Variants in GPHN observed in about 807,000 individuals in gnomAD.
The protein encoded by GPHN is gephyrin.
A neutral mutation model predicts 95.5 loss-of-function variants in GPHN; 17 were observed. The observed-to-expected ratio is 0.18, with a 90% CI of 0.12 to 0.27. GPHN has a LOEUF of 0.27. GPHN is among the 10% of genes least tolerant of loss of function. The pLI is 1.00. For synonymous variants in GPHN, 320 were observed against 322.5 expected, an observed-to-expected ratio of 0.99 and a Z score of 0.08; for missense variants, 660 against 978.1, an observed-to-expected ratio of 0.67 and a Z score of 4.34.
the GPHN span, among the ~76,000 whole-genome samples, chr14:67,192,213 T>C: frequency 6.6e-6 from 1 of 152,200 alleles, no homozygotes; most frequent in Non-Finnish European, 1.5e-5. Flanking sequence ...TGGAAAAATA[T>C]AAGCTATGAT....
At chr14:67,047,917 G>A (rs752126752) in intron 10 of GPHN, among the ~76,000 whole-genome samples, 1 of 152,162 alleles carries the variant, frequency 6.6e-6, no homozygotes, top group African/African-American at 2.4e-5. Flanking sequence ...CCGTGATCAC[G>A]CAACTGCACT....
At chr14:66,872,252 A>T (rs2063471329) in intron 4 of GPHN, among the ~76,000 whole-genome samples, 1 of 152,236 alleles carries the variant, frequency 6.6e-6, no homozygotes, top group Non-Finnish European at 1.5e-5. Flanking sequence ...TCAAAGAAAT[A>T]TTGAAATATA....
chr14:66,744,441 C>T (rs9323481), intron 2 of GPHN, among the ~76,000 whole-genome samples: 49,705 of 152,060 alleles, frequency 0.33, 11,893 homozygotes, highest in African/African-American at 0.65. Context: ...TGAGGCACAA[C>T]GTGTGTTTGT....
At chr14:67,081,118 A>T (rs754355502) in intron 11 of GPHN, among the ~76,000 whole-genome samples, 9 of 152,196 alleles carry the variant, frequency 5.9e-5, no homozygotes, top group Non-Finnish European at 1.3e-4. Flanking sequence ...TCCTCTGGGT[A>T]GATACCCAGT....
At chr14:67,209,781 A>G in the GPHN span, among the ~76,000 whole-genome samples, 1 of 150,458 alleles carries the variant, frequency 6.6e-6, no homozygotes, top group Non-Finnish European at 1.5e-5. Flanking sequence ...TCGTGCCATT[A>G]AACTCCAGCC....
At chr14:66,987,334 A>T (rs2071093792) in intron 9 of GPHN, among the ~76,000 whole-genome samples, 1 of 152,114 alleles carries the variant, frequency 6.6e-6, no homozygotes. Context: ...TAAAAATGGC[A>T]TCCATAACTG....
chr14:67,355,449 CAAAAAAAAAAAAA>C, the GPHN span, among the ~76,000 whole-genome samples: 25 of 18,956 alleles, frequency 1.3e-3, no homozygotes, highest in South Asian at 5.8e-3. Flanking sequence ...GACCCTGTCT[CAAAAAAAAAAAAA>C]AAAAAAAAAA....
At chr14:66,630,349 T>C (rs966734403) in intron 1 of GPHN, among the ~76,000 whole-genome samples, 1 of 152,180 alleles carries the variant, frequency 6.6e-6, no homozygotes, top group South Asian at 2.1e-4. Flanking sequence ...ATAAAAAGAA[T>C]CTGATCACAT....
the GPHN span, among the ~76,000 whole-genome samples, chr14:67,351,633 C>T: frequency 4.3e-4 from 65 of 152,116 alleles, no homozygotes; most frequent in Non-Finnish European, 8.5e-4. Flanking sequence ...CTCAGGCTCC[C>T]AAGTAGCTGG....
At chr14:67,651,176 T>A in the GPHN span, 8 of 1,015,070 alleles carry the variant, frequency 7.9e-6, no homozygotes, top group South Asian at 1.0e-4. Flanking sequence ...CAGCATTTAT[T>A]ACCTTGGTAT....
At chr14:67,577,692 A>T in the GPHN span, among the ~76,000 whole-genome samples, 2 of 152,162 alleles carry the variant, frequency 1.3e-5, no homozygotes, top group Non-Finnish European at 2.9e-5. Context: ...GGCGAGGTTT[A>T]TGTTGCTTCT....
chr14:67,725,699 T>C, the GPHN span, among the ~76,000 whole-genome samples: 1 of 152,200 alleles, frequency 6.6e-6, no homozygotes, highest in South Asian at 2.1e-4. Context: ...TACCACTGGA[T>C]TCCTAGTGCC....
intron 12 of GPHN, among the ~76,000 whole-genome samples, chr14:67,098,226 C>T (rs1305167476): frequency 1.3e-5 from 2 of 152,014 alleles, no homozygotes; most frequent in African/African-American, 4.8e-5. Context: ...AAAATAGAAG[C>T]AGCGTCTAGG....
At chr14:67,378,314 CTT>C in the GPHN span, among the ~76,000 whole-genome samples, 1,895 of 107,570 alleles carry the variant, frequency 0.018, 29 homozygotes, top group African/African-American at 0.061. Flanking sequence ...TCTCATGTGA[CTT>C]TTTTTTTTTT....
At chr14:67,192,461 A>C in the GPHN span, among the ~76,000 whole-genome samples, 2 of 151,792 alleles carry the variant, frequency 1.3e-5, no homozygotes, top group African/African-American at 4.8e-5. Context: ...TAGTAAGGTG[A>C]TTGGATCAGA....
intron 10 of GPHN, among the ~76,000 whole-genome samples, chr14:67,055,864 T>A (rs2075540161): frequency 1.3e-5 from 2 of 152,232 alleles, no homozygotes; most frequent in African/African-American, 4.8e-5. Flanking sequence ...GTGATCTCAC[T>A]GACTTCAGGA....
the GPHN span, chr14:67,674,401 T>A: frequency 1.9e-6 from 3 of 1,603,092 alleles, no homozygotes; most frequent in Admixed American, 5.1e-5. Flanking sequence ...CAGCAGCCGC[T>A]CGGGCACCCC....
At chr14:67,459,561 T>A in the GPHN span, among the ~76,000 whole-genome samples, 1 of 152,182 alleles carries the variant, frequency 6.6e-6, no homozygotes, top group African/African-American at 2.4e-5. Context: ...CTGATACCCA[T>A]CTTGAAAAGC....
At chr14:67,364,866 T>C in the GPHN span, 2 of 1,614,086 alleles carry the variant, frequency 1.2e-6, no homozygotes, top group Non-Finnish European at 1.7e-6. Flanking sequence ...TGGGGGCTTA[T>C]GTCAGCTTGC....
Sources: gnomAD v4.1 joint callset for allele counts (sites outside exome capture counted in the v4.1 genomes callset) on GRCh38, gnomAD v4.1.1 for gene constraint, MANE v1.5 for transcripts, NCBI Gene and HGNC (gene_info 2026-07-23, HGNC 2026-07-21) for gene names.